CTR9: variants seen among roughly 807,000 people sequenced by gnomAD.
The protein encoded by CTR9 is RNA polymerase-associated protein CTR9 homolog.
CTR9 carries 41 observed loss-of-function variants against 152.1 expected under a neutral mutation model. That is an observed-to-expected ratio of 0.27 (90% CI 0.21 to 0.35). The LOEUF (loss-of-function observed/expected upper bound fraction) is 0.35. CTR9 is among the 10% of genes least tolerant of loss of function. The pLI, the probability that CTR9 is intolerant of heterozygous loss-of-function variation, is 1.00. For missense variants in CTR9, 917 were observed against 1,424.4 expected (o/e 0.64, Z 5.73); for synonymous variants, 476 against 496.2 (o/e 0.96, Z 0.54).
Position 10,761,949 on chromosome 11 carries a change from T to G in CTR9, c.744T>G (p.Ala248=), listed in dbSNP as rs372439939. 1 of 1,601,142 alleles carries G rather than the reference T, an allele frequency of 6.2e-7. No homozygotes were observed. The highest frequency in any genetic ancestry group is 8.5e-7 in the Non-Finnish European group (1 of 1,172,444). The change falls in exon 7 of 25, where the codon GCT becomes GCG. Residue 248 remains alanine, a splice_region_variant and synonymous_variant. Coordinates refer to ENST00000361367, the MANE Select transcript of CTR9 (RefSeq NM_014633.5). ...CTTGTTGCAATGTTTTCTTTTAGGC[T>G]GATTCCATTAAAAATGGTGTCCAGC... The part of the protein sequence containing the change: ...LAVLELNNKE[A]DSIKNGVQLL...
intron 2 of CTR9, among the ~76,000 whole-genome samples, chr11:10,753,543 G>T (rs1862837741): frequency 6.6e-6 from 1 of 151,942 alleles, no homozygotes; most frequent in Non-Finnish European, 1.5e-5. Context: ...CCTTTTAGAT[G>T]TGGATTTACA....
chr11:10,761,025 A>T (rs1218937365), intron 6 of CTR9, among the ~76,000 whole-genome samples: 1 of 152,216 alleles, frequency 6.6e-6, no homozygotes, highest in East Asian at 1.9e-4. Flanking sequence ...CCCCTTATGT[A>T]TAATTGTCCA....
chr11:10,763,201 A>T (rs551973803), intron 7 of CTR9, among the ~76,000 whole-genome samples: 2 of 145,374 alleles, frequency 1.4e-5, no homozygotes, highest in South Asian at 2.3e-4. Context: ...GTTAATAGTT[A>T]TGTGACCTTA....
At chr11:10,774,347 C>T in intron 22 of CTR9, 178 bp downstream of exon 22, 2 of 612,332 alleles carry the variant, frequency 3.3e-6, no homozygotes, top group Admixed American at 2.9e-5. Flanking sequence ...CCACTGAGTA[C>T]CTGGGATTTC....
At chr11:10,755,538 G>A (rs1862871553) in intron 3 of CTR9, 140 bp from the exon 4 acceptor site, 1 of 588,672 alleles carries the variant, frequency 1.7e-6, no homozygotes, top group Non-Finnish European at 3.0e-6. Context: ...ATTAAGAATT[G>A]CTTGTTAGTA....
In CTR9 at chr11:10,756,735, A is replaced by G. The variant is rs1479568814; in HGVS notation, c.503-14A>G. The G allele has an allele frequency of 6.3e-7, 1 of 1,590,556 alleles. No individual in the cohort carries two copies. On this transcript the variant is annotated splice_polypyrimidine_tract_variant and intron_variant, in intron 4 of 24. Transcript: ENST00000361367. Reference sequence around the variant, plus strand: ...TTAATCAGACACTGTGTTTATTTTTAAAAATCATTACAGGTAAAGCTTGCA... The same window carrying G: ...TTAATCAGACACTGTGTTTATTTTTGAAAATCATTACAGGTAAAGCTTGCA...
chr11:10,776,174 C>T (rs917846609), intron 24 of CTR9, among the ~76,000 whole-genome samples: 4 of 152,154 alleles, frequency 2.6e-5, no homozygotes, highest in African/African-American at 9.7e-5. Flanking sequence ...CAACCTCCAC[C>T]TTCCGGGTTC....
intron 16 of CTR9, among the ~76,000 whole-genome samples, chr11:10,769,758 C>CAA (rs1863113850): frequency 6.6e-6 from 1 of 152,108 alleles, no homozygotes; most frequent in Non-Finnish European, 1.5e-5. Context: ...ATTGGTTTTA[C>CAA]CAAGAAGTTA....
intron 5 of CTR9, among the ~76,000 whole-genome samples, chr11:10,757,535 G>A (rs1443325724): frequency 6.6e-6 from 1 of 152,064 alleles, no homozygotes; most frequent in Non-Finnish European, 1.5e-5. Flanking sequence ...CCATGTTCAT[G>A]CCACGGCACT....
chr11:10,758,795 GAAT>G (rs1050474172), intron 5 of CTR9, among the ~76,000 whole-genome samples: 2 of 152,016 alleles, frequency 1.3e-5, no homozygotes, highest in African/African-American at 4.8e-5. Context: ...AATCTTTTTA[GAAT>G]ATAGCAATTT....
chr11:10,755,280 G>T, intron 3 of CTR9, 83 bp downstream of exon 3: 2 of 1,464,384 alleles, frequency 1.4e-6, no homozygotes, highest in South Asian at 1.4e-5. Flanking sequence ...CAGATTTTTT[G>T]AAAGAGTTTT....
chr11:10,764,787 C>A (rs1005274750), intron 12 of CTR9, 56 bp downstream of exon 12: 2 of 1,428,106 alleles, frequency 1.4e-6, no homozygotes, highest in African/African-American at 2.9e-5. Flanking sequence ...ACAAGAGCAG[C>A]AAAAATTTAG....
rs1187816758 is a variant in CTR9, at chr11:10,751,315, A to AGAGCCG, written c.-91_-86dup. ...GCGCCGCGGGGCGGCAGTCAAGACCAGAGCCGGAGCCGTCACTCACCTCTG... is the reference window on the plus strand; with the variant it reads ...GCGCCGCGGGGCGGCAGTCAAGACCAGAGCCGGAGCCGGAGCCGTCACTCACCTCTG... On this transcript the variant is annotated 5_prime_UTR_variant, in exon 1 of 25. Transcript: ENST00000361367. The AGAGCCG allele has an allele frequency of 3.6e-5, 47 of 1,321,004 alleles. No individual in the cohort carries two copies. The Admixed American group carries it at 8.0e-4, about 23-fold the overall frequency. 81.8% of individuals were successfully genotyped at this position (1,321,004 alleles called of 1,614,324 possible). A position where few individuals can be genotyped will look rare whatever the true frequency, so the allele number is the denominator to read the frequency against.
rs766698809 is a variant in CTR9, at chr11:10,773,240, A to G, written c.2694A>G (p.Thr898=). The change falls in exon 21 of 25, where the codon ACA becomes ACG. Residue 898 remains threonine (T), a synonymous_variant. Transcript: ENST00000361367. ...ILMFTGETEA[T]KEKKRGGGGG... is the part of the protein sequence containing the mutation. Reference sequence around the variant, plus strand: ...TGTTTACTGGTGAGACTGAAGCAACAAAAGAGAAGAAAAGAGGTGGTGGTG... The same window carrying G: ...TGTTTACTGGTGAGACTGAAGCAACGAAAGAGAAGAAAAGAGGTGGTGGTG... The G allele has an allele frequency of 1.2e-5, 20 of 1,612,794 alleles. No individual in the cohort carries two copies. Among genetic ancestry groups the G allele is most frequent in the Non-Finnish European group, 8.5e-7 (1 of 1,179,754 alleles).
At chr11:10,757,676 A>G (rs923803268) in intron 5 of CTR9, among the ~76,000 whole-genome samples, 3 of 152,196 alleles carry the variant, frequency 2.0e-5, no homozygotes, top group Non-Finnish European at 4.4e-5. Flanking sequence ...ATTTTTACTG[A>G]GTACCAACTA....
chr11:10,775,076 G>C lies in CTR9; in HGVS notation c.2886-131G>C, dbSNP rs141907840. 1.6e-5 allele frequency: 11 copies of C among 683,126 alleles called. No individual in the cohort carries two copies. The Admixed American group carries it at 3.1e-4, about 19-fold the overall frequency. 42.3% of individuals were successfully genotyped at this position (683,126 alleles called of 1,614,324 possible). On this transcript the variant is annotated intron_variant, in intron 22 of 24. Coordinates refer to ENST00000361367, the MANE Select transcript of CTR9 (RefSeq NM_014633.5). ...AAGTTATGTCCCCTGCCCTTGAGGA[G>C]TGTACAGTATGATTGAGGACAGCAC... is the stretch of plus-strand genomic sequence containing the variant.
chr11:10,777,188 G>A (rs1863253196), intron 24 of CTR9, among the ~76,000 whole-genome samples: 1 of 152,016 alleles, frequency 6.6e-6, no homozygotes. Flanking sequence ...AGGAGGCTAA[G>A]GCTTCTGGTG....
At chr11:10,756,623 A>G in intron 4 of CTR9, 126 bp from the exon 5 acceptor site, 1 of 595,606 alleles carries the variant, frequency 1.7e-6, no homozygotes, top group Non-Finnish European at 2.8e-6. Context: ...TTAATATGAA[A>G]TTTTGTTCTG....
At chr11:10,757,987 G>GC (rs1862913719) in intron 5 of CTR9, among the ~76,000 whole-genome samples, 1 of 152,184 alleles carries the variant, frequency 6.6e-6, no homozygotes, top group Non-Finnish European at 1.5e-5. Context: ...TAGAGAGAGA[G>GC]CATAGAAGGT....
Sources: gnomAD v4.1 joint callset for allele counts (sites outside exome capture counted in the v4.1 genomes callset) on GRCh38, gnomAD v4.1.1 for gene constraint, MANE v1.5 for transcripts, NCBI Gene and HGNC (gene_info 2026-07-23, HGNC 2026-07-21) for gene names.